The following MSRA variants were observed in gnomAD, a reference collection of about 807,000 sequenced individuals.
MSRA encodes mitochondrial peptide methionine sulfoxide reductase.
MSRA carries 54 observed loss-of-function variants against 31.3 expected under a neutral mutation model. The observed-to-expected ratio is 1.73, with a 90% CI of 1.39 to 2.17. The LOEUF (loss-of-function observed/expected upper bound fraction) is 2.17. MSRA is among the 30% of genes most tolerant of loss of function. The pLI is 0.00. For synonymous variants in MSRA, 169 were observed against 116.5 expected (o/e 1.45, Z -2.90); for missense variants, 507 against 300.9 (o/e 1.69, Z -5.07).
chr8:10,187,750 T>A (rs1022258704), intron 1 of MSRA, among the ~76,000 whole-genome samples: 3 of 152,256 alleles, frequency 2.0e-5, no homozygotes, highest in African/African-American at 7.2e-5. Flanking sequence ...GTGTATTTGA[T>A]AAACATCATG....
chr8:10,217,152 G>A (rs767544394), intron 2 of MSRA, among the ~76,000 whole-genome samples: 7 of 152,188 alleles, frequency 4.6e-5, no homozygotes, highest in Non-Finnish European at 1.0e-4. Context: ...TTCTAAAAAT[G>A]TACACGTTTG....
intron 1 of MSRA, among the ~76,000 whole-genome samples, chr8:10,109,318 C>A (rs765985096): frequency 1.3e-5 from 2 of 151,266 alleles, no homozygotes; most frequent in East Asian, 3.9e-4. Context: ...CAAATGCTTT[C>A]TTTTTTTACT....
At chr8:10,230,946 G>A (rs970903026) in intron 2 of MSRA, among the ~76,000 whole-genome samples, 1 of 152,118 alleles carries the variant, frequency 6.6e-6, no homozygotes, top group East Asian at 1.9e-4. Context: ...CACCACGCCT[G>A]GCTAATTTTT....
chr8:10,249,813 T>G (rs1236668152), intron 3 of MSRA, among the ~76,000 whole-genome samples: 3 of 152,220 alleles, frequency 2.0e-5, no homozygotes, highest in Non-Finnish European at 4.4e-5. Flanking sequence ...CAAAGAGTCA[T>G]CCATCCATTT....
intron 2 of MSRA, among the ~76,000 whole-genome samples, chr8:10,243,063 T>C (rs959397939): frequency 2.6e-5 from 4 of 152,184 alleles, no homozygotes; most frequent in Admixed American, 1.3e-4. Flanking sequence ...GCCAAGAACA[T>C]TTTAAGTTTT....
chr8:10,303,578 C>A (rs79001489), intron 4 of MSRA, among the ~76,000 whole-genome samples: 15,535 of 152,240 alleles, frequency 0.1, 857 homozygotes, highest in South Asian at 0.16. Context: ...GTCTCCCCAG[C>A]TGAATTCAGA....
At chr8:10,218,471 A>G (rs1810200130) in intron 2 of MSRA, among the ~76,000 whole-genome samples, 1 of 152,128 alleles carries the variant, frequency 6.6e-6, no homozygotes, top group African/African-American at 2.4e-5. Flanking sequence ...TGGTGAAGTT[A>G]GCATCCCCTT....
At chr8:10,087,115 T>G (rs1280207358) in intron 1 of MSRA, among the ~76,000 whole-genome samples, 2 of 152,192 alleles carry the variant, frequency 1.3e-5, no homozygotes, top group African/African-American at 4.8e-5. Context: ...GTTTGCAAAG[T>G]GTCTTATCTT....
chr8:10,351,474 G>A (rs1398868552), intron 5 of MSRA, among the ~76,000 whole-genome samples: 1 of 151,900 alleles, frequency 6.6e-6, no homozygotes, highest in Non-Finnish European at 1.5e-5. Flanking sequence ...GGATGGTCTC[G>A]GTCTCTTGAC....
chr8:10,313,270 A>C (rs1801535190), intron 4 of MSRA, among the ~76,000 whole-genome samples: 1 of 152,220 alleles, frequency 6.6e-6, no homozygotes, highest in South Asian at 2.1e-4. Context: ...CCTTTGAAGC[A>C]ACATATTGAA....
At chr8:10,341,741 G>A (rs924367435) in intron 5 of MSRA, among the ~76,000 whole-genome samples, 4 of 152,180 alleles carry the variant, frequency 2.6e-5, no homozygotes, top group Admixed American at 6.5e-5. Flanking sequence ...GGTTGATGGT[G>A]TGACGTAAGT....
At chr8:10,065,437 A>G (rs184678968) in intron 1 of MSRA, among the ~76,000 whole-genome samples, 154 of 152,334 alleles carry the variant, frequency 1.0e-3, no homozygotes, top group Non-Finnish European at 1.7e-3. Context: ...AATTATTTCA[A>G]TGTGCGGAAT....
At chr8:10,071,698 G>T (rs1262679281) in intron 1 of MSRA, among the ~76,000 whole-genome samples, 3 of 152,082 alleles carry the variant, frequency 2.0e-5, no homozygotes, top group African/African-American at 7.2e-5. Context: ...TCAGGTTGAG[G>T]TTGATGTTTA....
At chr8:10,144,334 G>T (rs963547831) in intron 1 of MSRA, among the ~76,000 whole-genome samples, 1 of 152,156 alleles carries the variant, frequency 6.6e-6, no homozygotes, top group African/African-American at 2.4e-5. Flanking sequence ...CACCTCCTAG[G>T]TGTGTGACCT....
At chr8:10,329,359 A>C (rs1802559930) in intron 5 of MSRA, among the ~76,000 whole-genome samples, 1 of 152,148 alleles carries the variant, frequency 6.6e-6, no homozygotes, top group South Asian at 2.1e-4. Context: ...GCCACCATGC[A>C]TGGCCTGTGG....
At chr8:10,264,587 C>A (rs966073289) in intron 3 of MSRA, among the ~76,000 whole-genome samples, 1 of 152,106 alleles carries the variant, frequency 6.6e-6, no homozygotes, top group Admixed American at 6.5e-5. Flanking sequence ...AGCTGGCTGT[C>A]GGGAAGGGCT....
intron 1 of MSRA, among the ~76,000 whole-genome samples, chr8:10,103,844 T>A (rs575646794): frequency 7.2e-6 from 1 of 138,772 alleles, no homozygotes; most frequent in South Asian, 2.6e-4. Context: ...TTTCCTCAGA[T>A]GTTAAAAAAA....
chr8:10,363,976 CCTAA>C (rs1805012516), intron 5 of MSRA, among the ~76,000 whole-genome samples: 1 of 152,054 alleles, frequency 6.6e-6, no homozygotes, highest in African/African-American at 2.4e-5. Flanking sequence ...CATGTATTTA[CCTAA>C]CTGAGGGTGG....
chr8:10,310,587 A>G (rs537799773), intron 4 of MSRA, among the ~76,000 whole-genome samples: 1 of 152,346 alleles, frequency 6.6e-6, no homozygotes, highest in East Asian at 1.9e-4. Context: ...GCTGTGCGCA[A>G]TGCTAAGTGC....
Sources: gnomAD v4.1 joint callset for allele counts (sites outside exome capture counted in the v4.1 genomes callset) on GRCh38, gnomAD v4.1.1 for gene constraint, MANE v1.5 for transcripts, NCBI Gene and HGNC (gene_info 2026-07-23, HGNC 2026-07-21) for gene names.